LAT2: variants seen among roughly 807,000 people sequenced by gnomAD.
The protein encoded by LAT2 is linker for activation of T cells family member 2, also known as linker for activation of T-cells family member 2.
In LAT2, 23 loss-of-function variants were observed where a neutral mutation model predicts 43.4. The ratio of observed to expected loss-of-function variants is 0.53; its 90% CI spans 0.38 to 0.75. The LOEUF is 0.75. LAT2 is among the 30% of genes least tolerant of loss of function. The probability of loss-of-function intolerance (pLI) is 0.00; values close to 1 mark genes in which losing one functional copy is unlikely to be tolerated. For missense variants in LAT2, 284 were observed against 310.2 expected (o/e 0.92, Z 0.64); for synonymous variants, 128 against 123.2 (o/e 1.04, Z -0.26).
Position 74,220,642 on chromosome 7 carries a change from G to C in LAT2, c.301+23G>C, listed in dbSNP as rs782641754. 1.5e-5 allele frequency: 24 copies of C among 1,613,868 alleles called. No individual in the cohort carries two copies. In the African/African-American group the frequency reaches 3.1e-4, roughly 21 times the overall value. ...AAGGTAGGTAGGCTCCTGGAGAAAGGGGGAGGCCATGGTGGGGGCCACACC... is the reference window on the plus strand; with the variant it reads ...AAGGTAGGTAGGCTCCTGGAGAAAGCGGGAGGCCATGGTGGGGGCCACACC... On this transcript the variant is annotated intron_variant, in intron 8 of 13. Coordinates refer to ENST00000460943, the MANE Select transcript of LAT2 (RefSeq NM_032464.3). The surrounding 1 kb of genome is among the most constrained non-coding windows in gnomAD (Gnocchi z 4.5).
At chr7:74,211,176 A>G (rs2116065550) in intron 1 of LAT2, among the ~76,000 whole-genome samples, 1 of 136,912 alleles carries the variant, frequency 7.3e-6, no homozygotes, top group Admixed American at 7.4e-5. Flanking sequence ...CAGAGGGTCC[A>G]CCCTCCGCTC....
intron 1 of LAT2, among the ~76,000 whole-genome samples, 200 bp from the exon 2 acceptor site, chr7:74,214,600 AAATATATATAAATATATATATG>A (rs1801934666): frequency 0.01 from 7 of 686 alleles, 3 homozygotes; most frequent in Non-Finnish European, 0.014. Flanking sequence ...ATATATATGA[AAATATATATAAATATATATATG>A]AATATATATA....
intron 4 of LAT2, among the ~76,000 whole-genome samples, chr7:74,218,763 C>G (rs1360507482): frequency 6.6e-6 from 1 of 152,350 alleles, no homozygotes. Flanking sequence ...GTAGAATGAT[C>G]TTGGCTCACT....
Position 74,220,712 on chromosome 7 carries a change from CA to C in LAT2, c.311del (p.His104ProfsTer8). 6.2e-7 allele frequency: 1 copy of C among 1,607,538 alleles called. No individual in the cohort carries two copies. Among genetic ancestry groups the C allele is most frequent in the Non-Finnish European group, 8.5e-7 (1 of 1,174,930 alleles). On this transcript the variant is annotated frameshift_variant, in exon 9 of 14. Coordinates refer to ENST00000460943, the MANE Select transcript of LAT2 (RefSeq NM_032464.3). LOFTEE classifies it high-confidence loss of function. This position sits in a 1 kb window ranked among gnomAD's most constrained non-coding sequence, Gnocchi z 4.5. ...CTCGCCTCCTCCCGCAGGAAGCAGA[CA>C]CGGGTCGGAGGAAGCCTACATGTGA... ...RYQNFSKGSR[H>X]GSEEAYIDPI... is the part of the protein sequence containing the mutation.
At chr7:74,217,178 T>C (rs1351939819) in intron 4 of LAT2, among the ~76,000 whole-genome samples, 2 of 152,076 alleles carry the variant, frequency 1.3e-5, no homozygotes, top group African/African-American at 2.4e-5. Flanking sequence ...ACACCTGTAA[T>C]CCCAGCACTT....
At chr7:74,214,499 A>T (rs868955603) in intron 1 of LAT2, among the ~76,000 whole-genome samples, 2 of 28,916 alleles carry the variant, frequency 6.9e-5, no homozygotes, top group Non-Finnish European at 1.0e-4. Context: ...TATATATATA[A>T]ATATATATAT....
chr7:74,218,689 A>G (rs1802134280), intron 4 of LAT2, among the ~76,000 whole-genome samples: 1 of 152,114 alleles, frequency 6.6e-6, no homozygotes, highest in Non-Finnish European at 1.5e-5. Context: ...GGAATAGTCT[A>G]TTATTTATTT....
intron 3 of LAT2, among the ~76,000 whole-genome samples, chr7:74,216,500 T>A (rs927805912): frequency 1.3e-5 from 2 of 152,080 alleles, no homozygotes; most frequent in Non-Finnish European, 2.9e-5. Flanking sequence ...ACCCCCTGAG[T>A]AGCTGGGACT....
intron 1 of LAT2, among the ~76,000 whole-genome samples, chr7:74,210,650 G>A (rs1801699968): frequency 6.6e-6 from 1 of 151,998 alleles, no homozygotes; most frequent in African/African-American, 2.4e-5. Context: ...GAGTTATTTG[G>A]AAAAAGCAAC....
In LAT2 at chr7:74,220,258, A is replaced by G. The variant is rs1554714952; in HGVS notation, c.265+4A>G. ...CAATTCTACCCCAGCCTGGAGGGTG[A>G]GTGGCACAGGGCAGGGACAGGGACA... On this transcript the variant is annotated splice_donor_region_variant and intron_variant, in intron 7 of 13. Coordinates refer to ENST00000460943, the MANE Select transcript of LAT2 (RefSeq NM_032464.3). This position sits in a 1 kb window ranked among gnomAD's most constrained non-coding sequence, Gnocchi z 4.5. 4 of 1,611,386 alleles carry G rather than the reference A, an allele frequency of 2.5e-6. No homozygotes were observed. The highest frequency in any genetic ancestry group is 3.4e-6 in the Non-Finnish European group (4 of 1,178,336).
rs1554713677 is a variant in LAT2, at chr7:74,214,163, AAAATATATATATGAAAATATATAT to A, written c.-218-634_-218-611del. On this transcript the variant is annotated intron_variant, in intron 1 of 13. Coordinates refer to ENST00000460943, the MANE Select transcript of LAT2 (RefSeq NM_032464.3). ...GAAAATATATATAAATATATATATGAAAATATATATATGAAAATATATATAAATATATATATGAAAATATATATG... is the reference window on the plus strand; with the variant it reads ...GAAAATATATATAAATATATATATGAAAATATATATATGAAAATATATATG... Among the ~76,000 whole-genome samples, 7 of 71,672 alleles carry A rather than the reference AAAATATATATATGAAAATATATAT, an allele frequency of 9.8e-5. No homozygotes were observed. The South Asian group carries it at 1.5e-3, about 15-fold the overall frequency. The allele number at this position is 71,672 out of a possible 152,430, so 47.0% of individuals were successfully genotyped here.
At chr7:74,218,325 A>G (rs1342008304) in intron 4 of LAT2, among the ~76,000 whole-genome samples, 1 of 152,162 alleles carries the variant, frequency 6.6e-6, no homozygotes, top group East Asian at 1.9e-4. Flanking sequence ...CTCCTAAATC[A>G]GGTCACCCTG....
chr7:74,212,930 G>T lies in LAT2; in HGVS notation c.-218-1892G>T, dbSNP rs531998591. ...AGGCCTGGTGGCTTCTCTGTGATGC[G>T]CCTCTTACAGAGGCTCAGGGCCGCA... On this transcript the variant is annotated intron_variant, in intron 1 of 13. Coordinates refer to ENST00000460943, the MANE Select transcript of LAT2 (RefSeq NM_032464.3). Among the ~76,000 whole-genome samples, 4 of 152,200 alleles carry T rather than the reference G, an allele frequency of 2.6e-5. No homozygotes were observed. In the East Asian group the frequency reaches 7.7e-4, roughly 29 times the overall value.
At chr7:74,216,340 C>T (rs1192575010) in intron 3 of LAT2, among the ~76,000 whole-genome samples, 1 of 152,048 alleles carries the variant, frequency 6.6e-6, no homozygotes, top group Non-Finnish European at 1.5e-5. Context: ...ACTTTTCTAG[C>T]CTCTCCTCTT....
At position 74,221,878 on chromosome 7, in the gene LAT2, C is replaced by T. The variant is rs939358208; in HGVS notation, c.388+186C>T. 8.2e-5 allele frequency among the ~76,000 whole-genome samples: 11 copies of T among 133,744 alleles called. No homozygotes were observed. In the South Asian group the frequency reaches 9.9e-4, roughly 12 times the overall value. 87.7% of individuals were successfully genotyped at this position (133,744 alleles called of 152,430 possible). A position where few individuals can be genotyped will look rare whatever the true frequency, so the allele number is the denominator to read the frequency against. On this transcript the variant is annotated intron_variant, in intron 10 of 13. Coordinates refer to ENST00000460943, the MANE Select transcript of LAT2 (RefSeq NM_032464.3). ...AAGGGATAGGGGGCGGGCGGGTCAGCGTGGGAGAGCTGTGGGCACAGGGCG... is the reference window on the plus strand; with the variant it reads ...AAGGGATAGGGGGCGGGCGGGTCAGTGTGGGAGAGCTGTGGGCACAGGGCG...
chr7:74,217,521 G>T (rs1802088886), intron 4 of LAT2, among the ~76,000 whole-genome samples: 1 of 152,196 alleles, frequency 6.6e-6, no homozygotes, highest in South Asian at 2.1e-4. Context: ...CCAGGGGCTA[G>T]TCCGCTCTCC....
chr7:74,227,835 T>G (rs1802545730), intron 13 of LAT2, among the ~76,000 whole-genome samples: 1 of 152,034 alleles, frequency 6.6e-6, no homozygotes, highest in African/African-American at 2.4e-5. Context: ...ATTGCACCAC[T>G]GCACTCCAGC....
intron 1 of LAT2, among the ~76,000 whole-genome samples, chr7:74,214,307 A>T (rs1381193566): frequency 4.1e-4 from 27 of 66,394 alleles, no homozygotes; most frequent in Non-Finnish European, 5.4e-4. Context: ...TATATATATA[A>T]ATATATATAT....
Position 74,220,220 on chromosome 7 carries a change from G to A in LAT2, c.231G>A (p.Lys77=). ...CCCTCCTTCCCCCTCCCTGCAGGAA[G>A]GACAAGCTGTTGCAATTCTACCCCA... ...GPLADMAPTR[K]DKLLQFYPSL... Residue 77 remains lysine (K), a synonymous_variant, in exon 7 of 14, where the codon AAG becomes AAA. Transcript: ENST00000460943. The surrounding 1 kb of genome is among the most constrained non-coding windows in gnomAD (Gnocchi z 4.5). 1.9e-6 allele frequency: 3 copies of A among 1,610,514 alleles called. No homozygotes were observed. Among genetic ancestry groups the A allele is most frequent in the Non-Finnish European group, 1.7e-6 (2 of 1,177,840 alleles).
Sources: allele counts gnomAD v4.1 joint callset (sites outside exome capture counted in the v4.1 genomes callset), GRCh38; gene constraint gnomAD v4.1.1; non-coding constraint Gnocchi (gnomAD v3.1); transcripts MANE v1.5; gene names NCBI Gene and HGNC (gene_info 2026-07-23, HGNC 2026-07-21).